DCLK3: variants seen among roughly 807,000 people sequenced by gnomAD.
DCLK3 encodes the protein serine/threonine-protein kinase DCLK3.
In DCLK3, 30 loss-of-function variants were observed where a neutral mutation model predicts 46.4. That is an observed-to-expected ratio of 0.65 (90% CI 0.48 to 0.88). The LOEUF (loss-of-function observed/expected upper bound fraction) is 0.88. DCLK3 is among the 40% of genes least tolerant of loss of function. The probability of loss-of-function intolerance (pLI) is 0.00; values close to 1 mark genes in which losing one functional copy is unlikely to be tolerated. For missense variants in DCLK3, 846 were observed against 907.1 expected (o/e 0.93, Z 0.87); for synonymous variants, 401 against 339.2 (o/e 1.18, Z -2.00).
At position 36,721,836 on chromosome 3, in the gene DCLK3, C is replaced by G. The variant is rs375261788; in HGVS notation, c.1960-177G>C. On this transcript the variant is annotated intron_variant, in intron 2 of 4. Coordinates refer to ENST00000636136, the MANE Select transcript of DCLK3 (RefSeq NM_001394672.2). Reference sequence around the variant, plus strand: ...CCTCAATGACAAGGGCTCACATTTTCAACTTAAGAACCAATGAGTTAGATT... The same window carrying G: ...CCTCAATGACAAGGGCTCACATTTTGAACTTAAGAACCAATGAGTTAGATT... 7.9e-5 allele frequency among the ~76,000 whole-genome samples: 12 copies of G among 152,298 alleles called. No homozygotes were observed. In the East Asian group the frequency reaches 2.1e-3, roughly 27 times the overall value.
In DCLK3 at chr3:36,737,102, G is replaced by T; in HGVS notation, c.1959+106C>A. 2.1e-6 allele frequency: 3 copies of T among 1,410,866 alleles called. No individual in the cohort carries two copies. The highest frequency in any genetic ancestry group is 2.8e-6 in the Non-Finnish European group (3 of 1,060,918). The allele number at this position is 1,410,866 out of a possible 1,614,324, so 87.4% of individuals were successfully genotyped here. A position where few individuals can be genotyped will look rare whatever the true frequency, so the allele number is the denominator to read the frequency against. On this transcript the variant is annotated intron_variant, in intron 2 of 4. Transcript: ENST00000636136. The surrounding 1 kb of genome is among the most constrained non-coding windows in gnomAD (Gnocchi z 4.4). ...ACAAGTATGTTATAATAACATAAAA[G>T]TAAAATTCTAGTGTGTAAAGGTGAC...
At chr3:36,749,935 T>C (rs1055606413) in intron 1 of DCLK3, among the ~76,000 whole-genome samples, 3 of 152,202 alleles carry the variant, frequency 2.0e-5, no homozygotes, top group African/African-American at 7.2e-5. Flanking sequence ...AAGGGAATAG[T>C]ATGATTAATT....
Position 36,737,697 on chromosome 3 carries a change from T to A in DCLK3, c.1470A>T (p.Leu490=). ...MTLRDDQPAK[L]EKEPKTRPEE... ...CTGGCCTCGTCTTGGGCTCCTTTTC[T>A]AGCTTTGCAGGTTGGTCATCTCTGA... Residue 490 remains leucine, a synonymous_variant, in exon 2 of 5, where the codon CTA becomes CTT. Coordinates refer to ENST00000636136, the MANE Select transcript of DCLK3 (RefSeq NM_001394672.2). This position sits in a 1 kb window ranked among gnomAD's most constrained non-coding sequence, Gnocchi z 4.4. 2 of 1,613,874 alleles carry A rather than the reference T, an allele frequency of 1.2e-6. No individual in the cohort carries two copies. The highest frequency in any genetic ancestry group is 1.7e-6 in the Non-Finnish European group (2 of 1,179,960).
intron 2 of DCLK3, among the ~76,000 whole-genome samples, chr3:36,724,517 G>A (rs563267838): frequency 1.3e-5 from 2 of 152,132 alleles, no homozygotes; most frequent in Non-Finnish European, 2.9e-5. Context: ...CATGTTGTGG[G>A]AGGAACCCAG....
intron 1 of DCLK3, among the ~76,000 whole-genome samples, chr3:36,750,905 A>G (rs1701434795): frequency 6.6e-6 from 1 of 152,120 alleles, no homozygotes; most frequent in Non-Finnish European, 1.5e-5. Context: ...AGAGGCGTCA[A>G]CAGGCACCAA....
chr3:36,728,541 C>T (rs1049995580), intron 2 of DCLK3, among the ~76,000 whole-genome samples: 1 of 152,114 alleles, frequency 6.6e-6, no homozygotes, highest in Non-Finnish European at 1.5e-5. Flanking sequence ...TCTCTCTCTG[C>T]ACTCCCTCCT....
At chr3:36,756,186 G>C (rs1404242356) in intron 1 of DCLK3, among the ~76,000 whole-genome samples, 2 of 152,198 alleles carry the variant, frequency 1.3e-5, no homozygotes, top group Non-Finnish European at 2.9e-5. Flanking sequence ...GGCCAACCTG[G>C]GCTCAGTTCT....
At position 36,737,911 on chromosome 3, in the gene DCLK3, A is replaced by T. The variant is rs1252687400; in HGVS notation, c.1256T>A (p.Leu419His). 5.0e-6 allele frequency: 8 copies of T among 1,613,934 alleles called. No homozygotes were observed. Among genetic ancestry groups the T allele is most frequent in the Middle Eastern group, 1.6e-4 (1 of 6,084 alleles). The change falls in exon 2 of 5, where the codon CTT becomes CAT. Residue 419 changes from leucine (L) to histidine (H), a missense_variant. Around this residue, in one of 3 missense-constraint regions of DCLK3, gnomAD observed 553 missense variants for 543.0 expected, o/e 1.02. Coordinates refer to ENST00000636136, the MANE Select transcript of DCLK3 (RefSeq NM_001394672.2). The surrounding 1 kb of genome is among the most constrained non-coding windows in gnomAD (Gnocchi z 4.4). ...CCTCAGCCCCTCCTCTGTGACAGGA[A>T]GAACTTCCACAAGGTCCTTCTTGGC... Reference protein sequence around the residue: ...AKAKKDLVEVLPVTEEGLREV... With the variant: ...AKAKKDLVEVHPVTEEGLREV...
At chr3:36,718,988 A>G (rs1264860751) in intron 3 of DCLK3, among the ~76,000 whole-genome samples, 1 of 152,224 alleles carries the variant, frequency 6.6e-6, no homozygotes, top group African/African-American at 2.4e-5. Flanking sequence ...AGAATTTCCT[A>G]TGAAAAATAC....
chr3:36,718,200 A>T (rs765556595), intron 3 of DCLK3, 23 bp from the exon 4 acceptor site: 4 of 1,613,130 alleles, frequency 2.5e-6, no homozygotes, highest in African/African-American at 2.7e-5. Flanking sequence ...AGGCAGAGAC[A>T]CAAGCAAACC....
At chr3:36,745,247 A>G (rs1701383749) in intron 1 of DCLK3, among the ~76,000 whole-genome samples, 1 of 152,214 alleles carries the variant, frequency 6.6e-6, no homozygotes, top group Admixed American at 6.5e-5. Flanking sequence ...ACCTTTTCCA[A>G]GTCATTTTAA....
chr3:36,717,645 C>G (rs968385547), intron 4 of DCLK3, among the ~76,000 whole-genome samples: 1 of 152,206 alleles, frequency 6.6e-6, no homozygotes, highest in African/African-American at 2.4e-5. Context: ...CTTGATTATG[C>G]ATGTGTAAAA....
intron 2 of DCLK3, among the ~76,000 whole-genome samples, chr3:36,736,144 C>T (rs1157329675): frequency 6.6e-6 from 1 of 152,174 alleles, no homozygotes; most frequent in East Asian, 1.9e-4. Context: ...ATCTGGGAAT[C>T]AAAGTAAGAG....
chr3:36,732,378 A>C (rs1472834994), intron 2 of DCLK3, among the ~76,000 whole-genome samples: 1 of 152,230 alleles, frequency 6.6e-6, no homozygotes, highest in African/African-American at 2.4e-5. Context: ...CTGGAAATAC[A>C]TAAGTTCACT....
chr3:36,748,035 G>T (rs1224044769), intron 1 of DCLK3, among the ~76,000 whole-genome samples: 1 of 152,170 alleles, frequency 6.6e-6, no homozygotes, highest in African/African-American at 2.4e-5. Context: ...CCTTGGACTT[G>T]TATGTATCTA....
At chr3:36,719,997 G>A (rs1701035445) in intron 3 of DCLK3, among the ~76,000 whole-genome samples, 1 of 152,178 alleles carries the variant, frequency 6.6e-6, no homozygotes, top group African/African-American at 2.4e-5. Flanking sequence ...CTACCCAACT[G>A]ATACGGTTTG....
intron 2 of DCLK3, among the ~76,000 whole-genome samples, chr3:36,735,499 C>A (rs1701250022): frequency 6.6e-6 from 1 of 152,224 alleles, no homozygotes; most frequent in Non-Finnish European, 1.5e-5. Context: ...GGATAATTAG[C>A]TTGACTCACT....
In DCLK3 at chr3:36,738,277, T is replaced by C. The variant is rs769788505; in HGVS notation, c.890A>G (p.Glu297Gly). The part of the protein sequence containing the change: ...HARGEKHLGV[E>G]IEKTSGEIIR... ...AATTTCACCCGAGGTCTTTTCAATCTCCACCCCAAGATGCTTCTCTCCCCT... is the reference window on the plus strand; with the variant it reads ...AATTTCACCCGAGGTCTTTTCAATCCCCACCCCAAGATGCTTCTCTCCCCT... The change falls in exon 2 of 5, where the codon GAG (glutamate) becomes GGG (glycine). Residue 297 changes from glutamate to glycine, a missense_variant. Physicochemically the swap from Glu to Gly is moderately conservative, Grantham distance 98. Transcript: ENST00000636136. The C allele has an allele frequency of 3.9e-6, 6 of 1,535,738 alleles. No individual in the cohort carries two copies. In the Admixed American group the frequency reaches 1.1e-4, roughly 27 times the overall value.
chr3:36,713,177 A>G lies in DCLK3; in HGVS notation c.*2151T>C, dbSNP rs1286482308. On this transcript the variant is annotated 3_prime_UTR_variant, in exon 5 of 5. Coordinates refer to ENST00000636136, the MANE Select transcript of DCLK3 (RefSeq NM_001394672.2). Reference sequence around the variant, plus strand: ...ATATTTCATTGTGATTTTAATTTGCATTTCCCTAGCCACTAAGGATGCAAC... The same window carrying G: ...ATATTTCATTGTGATTTTAATTTGCGTTTCCCTAGCCACTAAGGATGCAAC... 3 of 152,172 alleles carry G rather than the reference A, an allele frequency of 2.0e-5. No homozygotes were observed. Among genetic ancestry groups the G allele is most frequent in the Non-Finnish European group, 4.4e-5 (3 of 68,040 alleles). 9.4% of individuals were successfully genotyped at this position (152,172 alleles called of 1,614,324 possible). A position where few individuals can be genotyped will look rare whatever the true frequency, so the allele number is the denominator to read the frequency against.
Sources: allele counts gnomAD v4.1 joint callset (sites outside exome capture counted in the v4.1 genomes callset), GRCh38; gene constraint gnomAD v4.1.1; regional missense constraint gnomAD v4.1.1; non-coding constraint Gnocchi (gnomAD v3.1); transcripts MANE v1.5; gene names NCBI Gene and HGNC (gene_info 2026-07-23, HGNC 2026-07-21).